The following ATRNL1 variants were observed in gnomAD, a reference collection of about 807,000 sequenced individuals.
ATRNL1 encodes attractin-like protein 1.
ATRNL1 carries 95 observed loss-of-function variants against 182.7 expected under a neutral mutation model. That is an observed-to-expected ratio of 0.52 (90% CI 0.44 to 0.62). ATRNL1 has a LOEUF of 0.62. Among genes scored for constraint, ATRNL1 ranks in the 20% least tolerant of loss-of-function variants. The pLI is 0.00. For synonymous variants in ATRNL1, 576 were observed against 568.3 expected, an observed-to-expected ratio of 1.01 and a Z score of -0.19; for missense variants, 1,471 against 1,679.5, an observed-to-expected ratio of 0.88 and a Z score of 2.17.
At chr10:115,369,118 C>A (rs1857245727) in intron 19 of ATRNL1, among the ~76,000 whole-genome samples, 1 of 151,874 alleles carries the variant, frequency 6.6e-6, no homozygotes, top group African/African-American at 2.4e-5. Context: ...TAGGTTAATC[C>A]ATGTTGTTGT....
intron 20 of ATRNL1, among the ~76,000 whole-genome samples, chr10:115,407,985 C>CT (rs71010022): frequency 0.016 from 1,573 of 97,596 alleles, 209 homozygotes; most frequent in East Asian, 0.038. Context: ...ATTTGCATTT[C>CT]TTTTTTTTTT....
intron 26 of ATRNL1, among the ~76,000 whole-genome samples, chr10:115,590,539 TATGAATATTA>T (rs1281314433): frequency 1.3e-5 from 2 of 152,172 alleles, no homozygotes; most frequent in African/African-American, 4.8e-5. Context: ...GAGGAATATT[TATGAATATTA>T]ATGAATATTA....
At chr10:115,414,957 A>T (rs1845319244) in intron 20 of ATRNL1, among the ~76,000 whole-genome samples, 1 of 152,048 alleles carries the variant, frequency 6.6e-6, no homozygotes, top group South Asian at 2.1e-4. Flanking sequence ...GGACATTTAG[A>T]CATTTTTCTG....
chr10:115,485,901 A>AC (rs1315617652), intron 24 of ATRNL1, among the ~76,000 whole-genome samples: 23 of 75,800 alleles, frequency 3.0e-4, no homozygotes, highest in Admixed American at 8.7e-4. Flanking sequence ...ACAGCCCCCC[A>AC]CCCCCCAATA....
intron 8 of ATRNL1, among the ~76,000 whole-genome samples, chr10:115,192,220 T>C (rs1328090615): frequency 5.9e-5 from 9 of 152,122 alleles, no homozygotes; most frequent in Admixed American, 5.9e-4. Context: ...AGTATTTTCA[T>C]AGTTTCATGT....
chr10:115,671,481 G>A (rs1180071937), intron 26 of ATRNL1, among the ~76,000 whole-genome samples: 6 of 152,078 alleles, frequency 3.9e-5, no homozygotes, highest in Non-Finnish European at 2.9e-5. Flanking sequence ...CATTTTGATA[G>A]CATTCCAATG....
intron 8 of ATRNL1, among the ~76,000 whole-genome samples, chr10:115,202,409 A>T (rs1175906264): frequency 8.8e-5 from 13 of 147,072 alleles, no homozygotes; most frequent in African/African-American, 3.4e-4. Context: ...ACATCCCATC[A>T]ATACCTAATT....
At chr10:115,877,618 C>T (rs1289024087) in intron 28 of ATRNL1, among the ~76,000 whole-genome samples, 1 of 152,106 alleles carries the variant, frequency 6.6e-6, no homozygotes, top group Non-Finnish European at 1.5e-5. Flanking sequence ...TGCAATAATA[C>T]CTGGATGAGA....
intron 28 of ATRNL1, among the ~76,000 whole-genome samples, chr10:115,848,880 AAAATGCCAGCAAGCTGGCAAGTTCTC>A (rs1312990713): frequency 6.6e-6 from 1 of 152,208 alleles, no homozygotes; most frequent in African/African-American, 2.4e-5. Flanking sequence ...AGCATAAAAT[AAAATGCCAGCAAGCTGGCAAGTTCTC>A]AATAACAGTA....
intron 20 of ATRNL1, among the ~76,000 whole-genome samples, chr10:115,404,348 A>G (rs1422289812): frequency 5.9e-5 from 9 of 152,208 alleles, no homozygotes; most frequent in African/African-American, 2.2e-4. Flanking sequence ...TCTGTCCGGT[A>G]GACAGAAGTA....
intron 19 of ATRNL1, among the ~76,000 whole-genome samples, chr10:115,383,775 A>G (rs1334996517): frequency 6.6e-6 from 1 of 151,038 alleles, no homozygotes; most frequent in Non-Finnish European, 1.5e-5. Flanking sequence ...TTAAGATAAT[A>G]AATATTTGTT....
chr10:115,939,798 C>T (rs934847001), intron 28 of ATRNL1, among the ~76,000 whole-genome samples: 1 of 152,110 alleles, frequency 6.6e-6, no homozygotes, highest in Non-Finnish European at 1.5e-5. Context: ...GGAGGAAGCA[C>T]TTCCTCCTAT....
intron 26 of ATRNL1, among the ~76,000 whole-genome samples, chr10:115,727,021 CA>C (rs1294685040): frequency 2.0e-5 from 3 of 151,996 alleles, no homozygotes; most frequent in Non-Finnish European, 2.9e-5. Flanking sequence ...GGATGGAGGT[CA>C]GGGGAAAAGT....
At chr10:115,658,340 C>T (rs1335763086) in intron 26 of ATRNL1, among the ~76,000 whole-genome samples, 2 of 151,618 alleles carry the variant, frequency 1.3e-5, no homozygotes, top group Non-Finnish European at 2.9e-5. Flanking sequence ...TGTAATAATA[C>T]AAAACCCCTT....
intron 28 of ATRNL1, among the ~76,000 whole-genome samples, chr10:115,905,333 A>G (rs1202786354): frequency 6.6e-6 from 1 of 151,652 alleles, no homozygotes; most frequent in Non-Finnish European, 1.5e-5. Context: ...CGATCCTCGT[A>G]CCTCAGCCTC....
At position 115,717,548 on chromosome 10, in the gene ATRNL1, CTTTT is replaced by C. The variant is rs61386440; in HGVS notation, c.3796-9682_3796-9679del. 7.2e-4 allele frequency among the ~76,000 whole-genome samples: 61 copies of C among 84,356 alleles called. No individual in the cohort carries two copies. The East Asian group carries it at 0.015, about 20-fold the overall frequency. 55.3% of individuals were successfully genotyped at this position (84,356 alleles called of 152,430 possible). A position where few individuals can be genotyped will look rare whatever the true frequency, so the allele number is the denominator to read the frequency against. On this transcript the variant is annotated intron_variant, in intron 26 of 28. Coordinates refer to ENST00000355044, the MANE Select transcript of ATRNL1 (RefSeq NM_207303.4). ...TGATTTTCCCGCTGCCTGAAATGTT[CTTTT>C]TTTTTTTTTTTTTTTTTGAGATGGA...
At chr10:115,888,931 T>C (rs1460150146) in intron 28 of ATRNL1, among the ~76,000 whole-genome samples, 1 of 152,100 alleles carries the variant, frequency 6.6e-6, no homozygotes, top group Non-Finnish European at 1.5e-5. Flanking sequence ...GTAATCTGAC[T>C]CCTCCTAAAT....
At chr10:115,334,848 G>A (rs1012809616) in intron 19 of ATRNL1, among the ~76,000 whole-genome samples, 1 of 152,062 alleles carries the variant, frequency 6.6e-6, no homozygotes, top group Non-Finnish European at 1.5e-5. Flanking sequence ...TAGTATCTAG[G>A]AGAGTATGGG....
chr10:115,474,938 C>A (rs1361775471), intron 24 of ATRNL1, among the ~76,000 whole-genome samples: 2 of 151,320 alleles, frequency 1.3e-5, no homozygotes, highest in Non-Finnish European at 3.0e-5. Context: ...TGAATGAGAT[C>A]CTGCTTTTTA....
Sources: gnomAD v4.1 joint callset for allele counts (sites outside exome capture counted in the v4.1 genomes callset) on GRCh38, gnomAD v4.1.1 for gene constraint, MANE v1.5 for transcripts, NCBI Gene and HGNC (gene_info 2026-07-23, HGNC 2026-07-21) for gene names.